BBS2: variants seen among roughly 807,000 people sequenced by gnomAD.
The protein encoded by BBS2 is Bardet-Biedl syndrome 2.
In BBS2, 62 loss-of-function variants were observed where a neutral mutation model predicts 83.0. The ratio of observed to expected loss-of-function variants is 0.75; its 90% confidence interval spans 0.61 to 0.92. BBS2 has a LOEUF of 0.92. Among genes scored for constraint, BBS2 ranks in the 40% least tolerant of loss-of-function variants. The probability of loss-of-function intolerance (pLI) is 0.00; values close to 1 mark genes in which losing one functional copy is unlikely to be tolerated. For synonymous variants in BBS2, 303 were observed against 326.1 expected, an observed-to-expected ratio of 0.93 and a Z score of 0.76; for missense variants, 784 against 901.0, an observed-to-expected ratio of 0.87 and a Z score of 1.66.
chr16:56,478,743 G>T (rs1173152959), intron 17 of BBS2: 2 of 152,158 alleles, frequency 1.3e-5, no homozygotes, highest in African/African-American at 4.8e-5. Context: ...CTTTATCTCA[G>T]TGTGTTTATG....
intron 5 of BBS2, among the ~76,000 whole-genome samples, chr16:56,507,292 T>C (rs1357539726): frequency 6.6e-6 from 1 of 152,238 alleles, no homozygotes; most frequent in East Asian, 1.9e-4. Context: ...TCAGCTCTTT[T>C]ACTGCTTCCT....
At chr16:56,505,867 G>C in intron 7 of BBS2, 83 bp downstream of exon 7, 2 of 1,045,254 alleles carry the variant, frequency 1.9e-6, no homozygotes, top group Non-Finnish European at 3.0e-6. Context: ...ACATCCCAAT[G>C]TTACTGTTCT....
At chr16:56,473,434 G>A (rs1219622925) in intron 17 of BBS2, among the ~76,000 whole-genome samples, 5 of 152,102 alleles carry the variant, frequency 3.3e-5, no homozygotes, top group African/African-American at 4.8e-5. Context: ...CATAATAAAC[G>A]ACACATCCAT....
Position 56,511,158 on chromosome 16 carries a change from C to T in BBS2, c.471+1G>A, listed in dbSNP as rs1555523584. 1 of 1,613,970 alleles carries T rather than the reference C, an allele frequency of 6.2e-7. No individual in the cohort carries two copies. The highest frequency in any genetic ancestry group is 8.5e-7 in the Non-Finnish European group (1 of 1,180,010). Reference sequence around the variant, plus strand: ...CAAAAAGAATGTTTTCTTCTTCATACCGTCCAAAAGAGATCACTTCCTTCA... The same window carrying T: ...CAAAAAGAATGTTTTCTTCTTCATATCGTCCAAAAGAGATCACTTCCTTCA... On this transcript the variant is annotated splice_donor_variant, in intron 3 of 16. Transcript: ENST00000245157. LOFTEE classifies it high-confidence loss of function.
chr16:56,502,587 A>G (rs1964306573), intron 8 of BBS2, 86 bp downstream of exon 8: 2 of 1,611,412 alleles, frequency 1.2e-6, no homozygotes, highest in Non-Finnish European at 1.7e-6. Flanking sequence ...ATCTCGGTAC[A>G]AATACTTCAG....
At chr16:56,489,326 A>G (rs1032076251) in intron 15 of BBS2, among the ~76,000 whole-genome samples, 2 of 152,102 alleles carry the variant, frequency 1.3e-5, no homozygotes, top group African/African-American at 2.4e-5. Flanking sequence ...GGGCAACAGA[A>G]TAAGATTCTG....
intron 15 of BBS2, among the ~76,000 whole-genome samples, chr16:56,489,221 G>T (rs534156041): frequency 8.2e-4 from 125 of 151,842 alleles, no homozygotes; most frequent in African/African-American, 2.8e-3. Flanking sequence ...CATGCCTGTA[G>T]TCCCACCTAC....
At chr16:56,470,504 A>G (rs1963115539) in exon 18 of BBS2, 1 of 1,610,088 alleles carries the variant, frequency 6.2e-7, no homozygotes, top group Non-Finnish European at 8.5e-7. Flanking sequence ...GAGAAAGCTG[A>G]GGAGAGTAAG....
At chr16:56,504,511 T>G (rs545797930) in intron 7 of BBS2, among the ~76,000 whole-genome samples, 1 of 152,230 alleles carries the variant, frequency 6.6e-6, no homozygotes, top group Non-Finnish European at 1.5e-5. Flanking sequence ...ATTTATTTAA[T>G]ATTTTCACAC....
rs886052155 is a variant in BBS2, at chr16:56,520,023, C to T, written c.-161G>A. ...CGGGACGAACCCGTCCAGGTACCGC[C>T]TGCTCCTCCTGCGGCGGCGCAGACC... On this transcript the variant is annotated 5_prime_UTR_variant, in exon 1 of 17. Transcript: ENST00000245157. 2 of 661,818 alleles carry T rather than the reference C, an allele frequency of 3.0e-6. No homozygotes were observed. Among genetic ancestry groups the T allele is most frequent in the South Asian group, 1.6e-5 (1 of 60,892 alleles). The allele number at this position is 661,818 out of a possible 1,614,324, so 41.0% of individuals were successfully genotyped here. A position where few individuals can be genotyped will look rare whatever the true frequency, so the allele number is the denominator to read the frequency against.
At position 56,501,182 on chromosome 16, in the gene BBS2, C is replaced by T. The variant is rs559818907; in HGVS notation, c.1226-157G>A. The T allele has an allele frequency of 3.9e-5, 48 of 1,243,182 alleles. No individual in the cohort carries two copies. The South Asian group carries it at 4.6e-4, about 12-fold the overall frequency. 77.0% of individuals were successfully genotyped at this position (1,243,182 alleles called of 1,614,324 possible). On this transcript the variant is annotated intron_variant, in intron 10 of 16. Transcript: ENST00000245157. Reference sequence around the variant, plus strand: ...AAAATTAGCTGGGCGTGGTGGTGGGCGCCTGTAGTCCCAGCTACTTGGGAG... The same window carrying T: ...AAAATTAGCTGGGCGTGGTGGTGGGTGCCTGTAGTCCCAGCTACTTGGGAG...
At chr16:56,519,277 C>T (rs1220038134) in intron 1 of BBS2, among the ~76,000 whole-genome samples, 2 of 150,162 alleles carry the variant, frequency 1.3e-5, no homozygotes, top group Non-Finnish European at 3.0e-5. Context: ...GCTGCAGCGA[C>T]CCGAGATTGC....
At chr16:56,517,719 AG>A in intron 1 of BBS2, among the ~76,000 whole-genome samples, 1 of 152,106 alleles carries the variant, frequency 6.6e-6, no homozygotes, top group African/African-American at 2.4e-5. Flanking sequence ...CCCTCAAATT[AG>A]GGGCTGAGTT....
chr16:56,514,354 C>A, intron 2 of BBS2, 99 bp downstream of exon 2: 1 of 1,184,198 alleles, frequency 8.4e-7, no homozygotes, highest in Non-Finnish European at 1.2e-6. Context: ...AACAGTCATA[C>A]AACAAACAGA....
intron 15 of BBS2, among the ~76,000 whole-genome samples, chr16:56,489,026 A>G (rs1219593251): frequency 1.3e-5 from 2 of 152,096 alleles, no homozygotes; most frequent in African/African-American, 2.4e-5. Flanking sequence ...AGCCATCCTC[A>G]TGCCTCAACC....
At chr16:56,514,148 G>A (rs1964661504) in intron 2 of BBS2, among the ~76,000 whole-genome samples, 1 of 152,222 alleles carries the variant, frequency 6.6e-6, no homozygotes. Context: ...AAGTCCACCA[G>A]GAGACCTGTC....
chr16:56,510,639 A>G (rs1484907769), intron 4 of BBS2, among the ~76,000 whole-genome samples: 3 of 152,200 alleles, frequency 2.0e-5, no homozygotes, highest in African/African-American at 7.2e-5. Context: ...GTGTCTCTGA[A>G]ACACCATGGC....
At chr16:56,479,293 G>A (rs1194557247) in intron 17 of BBS2, among the ~76,000 whole-genome samples, 1 of 152,158 alleles carries the variant, frequency 6.6e-6, no homozygotes, top group Non-Finnish European at 1.5e-5. Flanking sequence ...GGCCAACATG[G>A]TGAAACCCTA....
At chr16:56,509,886 C>T in intron 5 of BBS2, 71 bp downstream of exon 5, 1 of 1,528,774 alleles carries the variant, frequency 6.5e-7, no homozygotes, top group Non-Finnish European at 9.1e-7. Flanking sequence ...AGCACTCTCA[C>T]TTGATGTTTC....
Sources: gnomAD v4.1 joint callset for allele counts (sites outside exome capture counted in the v4.1 genomes callset) on GRCh38, gnomAD v4.1.1 for gene constraint, MANE v1.5 for transcripts, NCBI Gene and HGNC (gene_info 2026-07-23, HGNC 2026-07-21) for gene names.